SNED1: variants seen among roughly 807,000 people sequenced by gnomAD.
The protein encoded by SNED1 is sushi, nidogen and EGF-like domain-containing protein 1.
In SNED1, 81 loss-of-function variants were observed where a neutral mutation model predicts 166.7. The ratio of observed to expected loss-of-function variants is 0.49; its 90% CI spans 0.41 to 0.58. SNED1 has a LOEUF of 0.58. Ranked by LOEUF, SNED1 falls within the 20% of genes least tolerant of loss-of-function variation. SNED1 has a pLI of 0.00. For missense variants in SNED1, 1,604 were observed against 2,000.2 expected (o/e 0.80, Z 3.78); for synonymous variants, 762 against 822.0 (o/e 0.93, Z 1.25).
chr2:241,008,517 G>A (rs1008265714), intron 1 of SNED1, among the ~76,000 whole-genome samples: 5 of 152,210 alleles, frequency 3.3e-5, no homozygotes, highest in Non-Finnish European at 7.3e-5. Context: ...GCAGATCCAA[G>A]GGCAAGACAG....
chr2:241,033,452 G>C, intron 2 of SNED1: 1 of 390,100 alleles, frequency 2.6e-6, no homozygotes, highest in Non-Finnish European at 4.6e-6. Context: ...AGGGGACAGT[G>C]TCTGCTCCCA....
At position 241,036,771 on chromosome 2, in the gene SNED1, C is replaced by CCCCTCCCTATGTCTGCAGCGTCCAG; in HGVS notation, c.810_811insAGCCCTCCCTATGTCTGCAGCGTCC. On this transcript the variant is annotated intron_variant, in intron 4 of 31. Coordinates refer to ENST00000310397, the MANE Select transcript of SNED1 (RefSeq NM_001080437.3). ...CCGGAGGCAGCGGCTGAGGCTCCAGCCCCTCCCTATGTCTGCAGCGTCCGT... is the reference window on the plus strand; with the variant it reads ...CCGGAGGCAGCGGCTGAGGCTCCAGCCCCTCCCTATGTCTGCAGCGTCCAGCCCTCCCTATGTCTGCAGCGTCCGT... 6.2e-7 allele frequency: 1 copy of CCCCTCCCTATGTCTGCAGCGTCCAG among 1,605,066 alleles called. No individual in the cohort carries two copies. The highest frequency in any genetic ancestry group is 1.1e-5 in the South Asian group (1 of 90,976).
At chr2:241,058,985 G>C (rs1273461755) in intron 16 of SNED1, among the ~76,000 whole-genome samples, 1 of 151,822 alleles carries the variant, frequency 6.6e-6, no homozygotes, top group Admixed American at 6.6e-5. Context: ...ATAAACCCTA[G>C]CTAGACTGAT....
At position 241,052,145 on chromosome 2, in the gene SNED1, C is replaced by T; in HGVS notation, c.1957C>T (p.His653Tyr). The change falls in exon 14 of 32, where the codon CAC (histidine) becomes TAC (tyrosine). Residue 653 changes from histidine to tyrosine, a missense_variant. This residue lies in a region of SNED1 where 1,237 missense variants were observed against 1,620.8 expected (regional missense o/e 0.76). Transcript: ENST00000310397. ...CDCPPGFSGR[H>Y]CEIAPSPCFR... ...CTGTCCCCCAGGCTTCTCCGGGCGG[C>T]ACTGCGAGATAGGTAAGGTGGGTGG... is the stretch of plus-strand genomic sequence containing the variant. The T allele has an allele frequency of 6.2e-7, 1 of 1,613,550 alleles. No individual in the cohort carries two copies. The highest frequency in any genetic ancestry group is 8.5e-7 in the Non-Finnish European group (1 of 1,179,558).
At position 241,052,447 on chromosome 2, in the gene SNED1, A is replaced by G; in HGVS notation, c.2062A>G (p.Met688Val). The G allele has an allele frequency of 6.2e-7, 1 of 1,610,274 alleles. No individual in the cohort carries two copies. Among genetic ancestry groups the G allele is most frequent in the Non-Finnish European group, 8.5e-7 (1 of 1,178,210 alleles). ...CTTCTGCCACTGCCAAGCAGGGTAC[A>G]TGGGACGCCGGTGCCAGGCAGGTGA... ...DFFCHCQAGY[M>V]GRRCQAEVDC... Residue 688 changes from methionine (M) to valine (V), a missense_variant, in exon 15 of 32, where the codon ATG (methionine) becomes GTG (valine). Transcript: ENST00000310397.
chr2:241,054,429 C>T (rs2061982579), intron 16 of SNED1, among the ~76,000 whole-genome samples: 3 of 152,130 alleles, frequency 2.0e-5, no homozygotes, highest in African/African-American at 2.4e-5. Context: ...ACTAGCCCGG[C>T]GTGGTGGCAC....
At chr2:241,038,154 G>A (rs979143751) in intron 6 of SNED1, among the ~76,000 whole-genome samples, 1 of 151,624 alleles carries the variant, frequency 6.6e-6, no homozygotes, top group African/African-American at 2.4e-5. Context: ...TCAAAGCACC[G>A]TGACCTGCTG....
At chr2:241,050,609 G>A (rs1379401733) in intron 12 of SNED1, among the ~76,000 whole-genome samples, 2 of 152,198 alleles carry the variant, frequency 1.3e-5, no homozygotes, top group African/African-American at 4.8e-5. Context: ...TGAAGTCTGA[G>A]CCCTGGACCC....
Position 241,013,711 on chromosome 2 carries a change from C to T in SNED1, c.213+14661C>T, listed in dbSNP as rs2060487757. On this transcript the variant is annotated intron_variant, in intron 1 of 31. Coordinates refer to ENST00000310397, the MANE Select transcript of SNED1 (RefSeq NM_001080437.3). This position sits in a 1 kb window ranked among gnomAD's most constrained non-coding sequence, Gnocchi z 4.6. ...TGGCTTATTTCACTGAGCATAATGT[C>T]CTTCAGTTTCATCCATGTTGTTGCA... is the stretch of plus-strand genomic sequence containing the variant. Among the ~76,000 whole-genome samples, 3 of 152,222 alleles carry T rather than the reference C, an allele frequency of 2.0e-5. No homozygotes were observed. In the South Asian group the frequency reaches 6.2e-4, roughly 32 times the overall value.
chr2:241,002,738 G>A (rs2106529692), intron 1 of SNED1, among the ~76,000 whole-genome samples: 1 of 152,142 alleles, frequency 6.6e-6, no homozygotes, highest in South Asian at 2.1e-4. Context: ...AGATTCAGGG[G>A]CCTTCAGACT....
chr2:241,034,933 A>C (rs1214124628), intron 4 of SNED1, among the ~76,000 whole-genome samples: 1 of 152,102 alleles, frequency 6.6e-6, no homozygotes, highest in African/African-American at 2.4e-5. Flanking sequence ...AGAAGACCCC[A>C]CACACACACT....
At chr2:241,081,518 C>T (rs985768056) in intron 27 of SNED1, among the ~76,000 whole-genome samples, 159 bp from the exon 28 acceptor site, 4 of 152,226 alleles carry the variant, frequency 2.6e-5, no homozygotes, top group Non-Finnish European at 5.9e-5. Context: ...TGGGACCACG[C>T]TCTAGGGCCC....
Position 241,018,181 on chromosome 2 carries a change from C to T in SNED1, c.214-12103C>T, listed in dbSNP as rs1176133071. Among the ~76,000 whole-genome samples the T allele has an allele frequency of 6.6e-6, 1 of 152,204 alleles. No individual in the cohort carries two copies. The highest frequency in any genetic ancestry group is 2.4e-5 in the African/African-American group (1 of 41,456). On this transcript the variant is annotated intron_variant, in intron 1 of 31. Coordinates refer to ENST00000310397, the MANE Select transcript of SNED1 (RefSeq NM_001080437.3). The surrounding 1 kb of genome is among the most constrained non-coding windows in gnomAD (Gnocchi z 5.4). Reference sequence around the variant, plus strand: ...GTGCTGATTTGGTTAAGTCTTTTTGCCATGTCACCGCGCATTTGCAGCTTT... The same window carrying T: ...GTGCTGATTTGGTTAAGTCTTTTTGTCATGTCACCGCGCATTTGCAGCTTT...
intron 29 of SNED1, among the ~76,000 whole-genome samples, chr2:241,083,435 T>C (rs980881089): frequency 3.3e-5 from 5 of 152,260 alleles, no homozygotes; most frequent in African/African-American, 1.2e-4. Context: ...AGTGACATGT[T>C]CGATTACACT....
intron 1 of SNED1, among the ~76,000 whole-genome samples, chr2:241,016,421 G>C (rs372978536): frequency 6.6e-6 from 1 of 152,032 alleles, no homozygotes; most frequent in Non-Finnish European, 1.5e-5. Context: ...GGATGGTCTC[G>C]ATCTGACCTC....
chr2:241,005,561 T>G (rs4433995), intron 1 of SNED1, among the ~76,000 whole-genome samples: 98,621 of 151,814 alleles, frequency 0.65, 33,101 homozygotes, highest in Middle Eastern at 0.78. Flanking sequence ...CTAATATTTC[T>G]TATAGTGTAG....
rs140408698 is a variant in SNED1 at position 241,094,612 on chromosome 2, C to G, written c.*2976C>G. The G allele has an allele frequency of 1.6e-4, 55 of 351,204 alleles. No homozygotes were observed. The highest frequency in any genetic ancestry group is 9.9e-4 in the African/African-American group (46 of 46,598). The allele number at this position is 351,204 out of a possible 1,614,324, so 21.8% of individuals were successfully genotyped here. A position where few individuals can be genotyped will look rare whatever the true frequency, so the allele number is the denominator to read the frequency against. ...GTCCATTTACCATCTGAAGTTGTCA[C>G]GAGTGAACAGTCACATTACTGTTGT... On this transcript the variant is annotated 3_prime_UTR_variant, in exon 32 of 32. Transcript: ENST00000310397. This position sits in a 1 kb window ranked among gnomAD's most constrained non-coding sequence, Gnocchi z 4.3.
rs975175310 is a variant in SNED1 at position 241,073,451 on chromosome 2, G to A, written c.3916+87G>A. 6 of 1,112,000 alleles carry A rather than the reference G, an allele frequency of 5.4e-6. No individual in the cohort carries two copies. The highest frequency in any genetic ancestry group is 2.6e-5 in the East Asian group (1 of 38,786). The allele number at this position is 1,112,000 out of a possible 1,614,324, so 68.9% of individuals were successfully genotyped here. A position where few individuals can be genotyped will look rare whatever the true frequency, so the allele number is the denominator to read the frequency against. ...GCTGCAGGCAGGAGGGACCACCCAC[G>A]GTGAGGAATCAGGAGGCACAGAGCC... On this transcript the variant is annotated intron_variant, in intron 27 of 31. Coordinates refer to ENST00000310397, the MANE Select transcript of SNED1 (RefSeq NM_001080437.3). This position sits in a 1 kb window ranked among gnomAD's most constrained non-coding sequence, Gnocchi z 6.6.
chr2:241,039,667 T>C (rs1437847628), intron 6 of SNED1, among the ~76,000 whole-genome samples: 1 of 152,084 alleles, frequency 6.6e-6, no homozygotes, highest in Non-Finnish European at 1.5e-5. Flanking sequence ...GGGCCACTCC[T>C]ACACCCTGGG....
Sources: gnomAD v4.1 joint callset for allele counts (sites outside exome capture counted in the v4.1 genomes callset) on GRCh38, gnomAD v4.1.1 for gene constraint, gnomAD v4.1.1 regional missense constraint, Gnocchi (gnomAD v3.1) non-coding constraint, MANE v1.5 for transcripts, NCBI Gene and HGNC (gene_info 2026-07-23, HGNC 2026-07-21) for gene names.